The following GPD2 variants were observed in gnomAD, a reference collection of about 807,000 sequenced individuals.
GPD2 encodes the protein glycerol-3-phosphate dehydrogenase 2, also known as glycerol-3-phosphate dehydrogenase, mitochondrial.
Under a neutral mutation model 82.4 loss-of-function variants are expected in GPD2, and 54 were observed. The observed-to-expected ratio is 0.66, with a 90% CI of 0.53 to 0.82. The LOEUF (loss-of-function observed/expected upper bound fraction) is 0.82, where lower values mean the gene tolerates loss of function less well. Among genes scored for constraint, GPD2 ranks in the 40% least tolerant of loss-of-function variants. The pLI is 0.00. For missense variants in GPD2, 748 were observed against 896.2 expected (o/e 0.83, Z 2.11); for synonymous variants, 288 against 306.1 (o/e 0.94, Z 0.62).
At chr2:156,448,629 T>C (rs1682451249) in intron 1 of GPD2, among the ~76,000 whole-genome samples, 1 of 152,204 alleles carries the variant, frequency 6.6e-6, no homozygotes, top group South Asian at 2.1e-4. Context: ...CGTGAATGAC[T>C]GGAAGGAGCT....
Position 156,579,025 on chromosome 2 carries a change from A to C in GPD2, c.1880+24A>C, listed in dbSNP as rs557829306. The C allele has an allele frequency of 1.1e-5, 17 of 1,546,398 alleles. No homozygotes were observed. The East Asian group carries it at 1.6e-4, about 14-fold the overall frequency. The stretch of plus-strand genomic sequence containing the variant: ...AGGTACTTATAATAAGTGTCTATCT[A>C]TCTCTCTTTTTTTTTGGCCTATGTA... On this transcript the variant is annotated intron_variant, in intron 14 of 16. Transcript: ENST00000438166.
chr2:156,562,540 C>G (rs1234256093), intron 9 of GPD2, among the ~76,000 whole-genome samples: 1 of 151,024 alleles, frequency 6.6e-6, no homozygotes, highest in African/African-American at 2.4e-5. Context: ...TTTTCACATG[C>G]CTTTTATTGA....
chr2:156,461,380 C>T (rs1426838623), intron 1 of GPD2, among the ~76,000 whole-genome samples: 2 of 151,996 alleles, frequency 1.3e-5, no homozygotes, highest in Non-Finnish European at 2.9e-5. Flanking sequence ...TAAAATTCTC[C>T]ACTGACTTTT....
intron 3 of GPD2, among the ~76,000 whole-genome samples, chr2:156,500,720 G>A (rs543125491): frequency 1.3e-5 from 2 of 152,060 alleles, no homozygotes; most frequent in Non-Finnish European, 2.9e-5. Flanking sequence ...TTTTAGTAAT[G>A]GATAAACAAA....
At chr2:156,488,650 T>C (rs1003963446) in intron 2 of GPD2, among the ~76,000 whole-genome samples, 25 of 152,082 alleles carry the variant, frequency 1.6e-4, no homozygotes, top group African/African-American at 6.0e-4. Context: ...TCTAATGATA[T>C]ACAGACATAG....
chr2:156,453,191 T>C (rs1252125344), intron 1 of GPD2, among the ~76,000 whole-genome samples: 1 of 152,182 alleles, frequency 6.6e-6, no homozygotes, highest in Non-Finnish European at 1.5e-5. Context: ...AACAGGCAGA[T>C]AGTTGGGTTT....
intron 1 of GPD2, among the ~76,000 whole-genome samples, chr2:156,451,462 CG>C (rs1233936406): frequency 1.0e-5 from 1 of 97,542 alleles, no homozygotes; most frequent in African/African-American, 3.9e-5. Context: ...GCTGGCCGGG[CG>C]GGGGGCTGAC....
At chr2:156,495,834 A>C in intron 2 of GPD2, 1 of 556,000 alleles carries the variant, frequency 1.8e-6, no homozygotes, top group Non-Finnish European at 3.2e-6. Context: ...CCTATGGCTA[A>C]ATAGTTGTGA....
chr2:156,479,981 C>G (rs1022459545), intron 2 of GPD2, among the ~76,000 whole-genome samples: 1 of 152,124 alleles, frequency 6.6e-6, no homozygotes, highest in Admixed American at 6.5e-5. Flanking sequence ...ATGGAGCAAG[C>G]AGAGACACTC....
chr2:156,536,783 C>T (rs954000604), intron 6 of GPD2, among the ~76,000 whole-genome samples: 1 of 152,178 alleles, frequency 6.6e-6, no homozygotes, highest in African/African-American at 2.4e-5. Context: ...ATCTTAATAG[C>T]CATCCCACTC....
At chr2:156,486,131 A>T (rs959841543) in intron 2 of GPD2, among the ~76,000 whole-genome samples, 2 of 152,204 alleles carry the variant, frequency 1.3e-5, no homozygotes, top group East Asian at 3.8e-4. Flanking sequence ...TTTTTCAGAG[A>T]CATGTTTCAT....
At chr2:156,517,990 C>A (rs183437163) in intron 6 of GPD2, among the ~76,000 whole-genome samples, 2 of 152,166 alleles carry the variant, frequency 1.3e-5, no homozygotes, top group East Asian at 3.9e-4. Flanking sequence ...TGTTTCATAC[C>A]CGACGATGCT....
intron 6 of GPD2, among the ~76,000 whole-genome samples, chr2:156,525,691 CTT>C (rs1371642638): frequency 1.3e-5 from 2 of 152,152 alleles, no homozygotes; most frequent in South Asian, 4.1e-4. Context: ...AAATTACTGT[CTT>C]TTAAAGTGAC....
intron 1 of GPD2, among the ~76,000 whole-genome samples, chr2:156,461,068 A>G (rs774918908): frequency 8.6e-5 from 13 of 151,866 alleles, no homozygotes; most frequent in East Asian, 5.8e-4. Context: ...ATAGCATCCT[A>G]TCACTAGCAG....
At chr2:156,523,672 A>AGATAGATG (rs1244318844) in intron 6 of GPD2, among the ~76,000 whole-genome samples, 5 of 107,114 alleles carry the variant, frequency 4.7e-5, no homozygotes, top group Middle Eastern at 5.1e-3. Context: ...TTTCTTTTCT[A>AGATAGATG]GATAGATAGA....
chr2:156,438,942 G>A (rs949416943), intron 1 of GPD2, among the ~76,000 whole-genome samples: 1 of 152,168 alleles, frequency 6.6e-6, no homozygotes, highest in Non-Finnish European at 1.5e-5. Flanking sequence ...TGATTATGAA[G>A]GAAAAGGTTA....
At chr2:156,440,678 C>T (rs1682137614) in intron 1 of GPD2, among the ~76,000 whole-genome samples, 1 of 152,108 alleles carries the variant, frequency 6.6e-6, no homozygotes, top group Admixed American at 6.5e-5. Flanking sequence ...GCAGCAAAAA[C>T]ATGATTTCTG....
At chr2:156,563,256 C>T (rs1383285090) in intron 9 of GPD2, among the ~76,000 whole-genome samples, 1 of 152,024 alleles carries the variant, frequency 6.6e-6, no homozygotes, top group Non-Finnish European at 1.5e-5. Flanking sequence ...TGACCCTTTA[C>T]TAGATACAGT....
At chr2:156,404,795 G>A in the GPD2 span, among the ~76,000 whole-genome samples, 1 of 149,224 alleles carries the variant, frequency 6.7e-6, no homozygotes, top group Non-Finnish European at 1.5e-5. Context: ...CAGAGATTGC[G>A]ATGAGCCAAG....
Sources: gnomAD v4.1 joint callset for allele counts (sites outside exome capture counted in the v4.1 genomes callset) on GRCh38, gnomAD v4.1.1 for gene constraint, MANE v1.5 for transcripts, NCBI Gene and HGNC (gene_info 2026-07-23, HGNC 2026-07-21) for gene names.